The following CCM2 variants were observed in gnomAD, a reference collection of about 807,000 sequenced individuals.
CCM2 encodes cerebral cavernous malformations 2 protein.
Under a neutral mutation model 44.9 loss-of-function variants are expected in CCM2, and 25 were observed. The ratio of observed to expected loss-of-function variants is 0.56; its 90% confidence interval spans 0.41 to 0.78. The LOEUF is 0.78. Ranked by LOEUF, CCM2 falls within the 30% of genes least tolerant of loss-of-function variation. The pLI is 0.00. For missense variants in CCM2, 481 were observed against 580.6 expected, an observed-to-expected ratio of 0.83 and a Z score of 1.76; for synonymous variants, 219 against 241.1, an observed-to-expected ratio of 0.91 and a Z score of 0.85.
chr7:45,033,024 A>G (rs1322152837), intron 1 of CCM2, among the ~76,000 whole-genome samples: 1 of 144,916 alleles, frequency 6.9e-6, no homozygotes. Context: ...AGCCTTGGTG[A>G]CAAGAGCAAA....
intron 1 of CCM2, chr7:45,027,499 G>T: frequency 1.2e-6 from 1 of 819,950 alleles, no homozygotes; most frequent in Non-Finnish European, 1.9e-6. Context: ...TTTACTTTGT[G>T]TCTTTTTGTG....
intron 2 of CCM2, among the ~76,000 whole-genome samples, chr7:45,056,855 G>C (rs964654053): frequency 6.6e-6 from 1 of 152,148 alleles, no homozygotes; most frequent in African/African-American, 2.4e-5. Context: ...TTTGTTGCCT[G>C]TGCTTTTGGT....
chr7:45,043,926 A>C (rs904881951), intron 2 of CCM2, among the ~76,000 whole-genome samples: 5 of 151,984 alleles, frequency 3.3e-5, no homozygotes, highest in African/African-American at 1.2e-4. Flanking sequence ...CCTTGTCCCT[A>C]TTTGTTTCCA....
intron 1 of CCM2, among the ~76,000 whole-genome samples, chr7:45,005,707 A>G (rs1485009103): frequency 2.6e-5 from 4 of 152,214 alleles, no homozygotes; most frequent in Non-Finnish European, 5.9e-5. Context: ...GCCCACTGAG[A>G]AGAGGGTTAG....
At position 45,012,721 on chromosome 7, in the gene CCM2, A is replaced by AT. The variant is rs1162957799; in HGVS notation, c.30+12371dup. The stretch of plus-strand genomic sequence containing the variant: ...AGGTGTGCGCCACCATGCCTGGCTA[A>AT]TTTTTTTTTTTTTAGAGATGGGGTC... On this transcript the variant is annotated intron_variant, in intron 1 of 9. Transcript: ENST00000258781. Among the ~76,000 whole-genome samples the AT allele has an allele frequency of 4.6e-3, 669 of 145,404 alleles. 4 individuals carry two copies. The highest frequency in any genetic ancestry group is 0.013 in the African/African-American group (538 of 39,852).
chr7:45,038,027 G>T (rs1797307724), intron 1 of CCM2, among the ~76,000 whole-genome samples: 1 of 152,110 alleles, frequency 6.6e-6, no homozygotes, highest in African/African-American at 2.4e-5. Context: ...GTGCCTCCAT[G>T]CCAGAGGCTG....
At chr7:45,004,231 TAATA>T (rs780232167) in intron 1 of CCM2, among the ~76,000 whole-genome samples, 6 of 152,168 alleles carry the variant, frequency 3.9e-5, no homozygotes, top group African/African-American at 7.2e-5. Context: ...AGATATTAAA[TAATA>T]AATAAGGAAT....
At chr7:45,038,080 TG>T (rs1362959554) in intron 1 of CCM2, among the ~76,000 whole-genome samples, 172 bp from the exon 2 acceptor site, 1 of 152,222 alleles carries the variant, frequency 6.6e-6, no homozygotes, top group Non-Finnish European at 1.5e-5. Flanking sequence ...GTGCTGGCTG[TG>T]GTCCCTCAGG....
At chr7:45,058,801 A>G (rs970260946) in intron 2 of CCM2, among the ~76,000 whole-genome samples, 2 of 151,508 alleles carry the variant, frequency 1.3e-5, no homozygotes, top group Non-Finnish European at 2.9e-5. Context: ...TTTGAGACAG[A>G]GTTTTTGTTC....
upstream of CCM2, chr7:44,999,926 G>C (rs1015865707): frequency 1.3e-5 from 4 of 315,632 alleles, no homozygotes; most frequent in African/African-American, 9.1e-5. Flanking sequence ...GAAGGACGCG[G>C]GGCGGGGTGG....
upstream of CCM2, chr7:45,000,001 G>C: frequency 4.1e-6 from 1 of 246,724 alleles, no homozygotes; most frequent in South Asian, 3.3e-5. Flanking sequence ...CCTGTGGGCG[G>C]TGCTCTCGCC....
intron 2 of CCM2, among the ~76,000 whole-genome samples, chr7:45,038,653 C>T (rs1445545039): frequency 6.6e-6 from 1 of 152,244 alleles, no homozygotes; most frequent in African/African-American, 2.4e-5. Flanking sequence ...AGCAATGCCA[C>T]CTTCTTTCTC....
intron 1 of CCM2, among the ~76,000 whole-genome samples, chr7:45,011,953 A>C (rs1051227679): frequency 1.3e-5 from 2 of 152,090 alleles, no homozygotes; most frequent in African/African-American, 4.8e-5. Context: ...TGGCCTCCCA[A>C]AGTGCTGGGA....
rs1365120674 is a variant in CCM2, at chr7:45,064,573, G to C, written c.399G>C (p.Arg133Ser). Residue 133 changes from arginine to serine, a missense_variant, in exon 4 of 10, where the codon AGG becomes AGC. Coordinates refer to ENST00000258781, the MANE Select transcript of CCM2 (RefSeq NM_031443.4). The part of the protein sequence containing the change: ...AWRDGEDIIL[R>S]VPIHDIAAVS... ...GGGACGGGGAGGATATCATCCTCAG[G>C]GTGCCCATCCATGACATCGCCGCCG... 6.2e-7 allele frequency: 1 copy of C among 1,614,032 alleles called. No homozygotes were observed. The highest frequency in any genetic ancestry group is 1.3e-5 in the African/African-American group (1 of 75,036).
At position 45,067,863 on chromosome 7, in the gene CCM2, C is replaced by G. The variant is rs551825429; in HGVS notation, c.473-580C>G. 1.0e-4 allele frequency: 17 copies of G among 167,724 alleles called. No homozygotes were observed. The South Asian group carries it at 2.5e-3, about 25-fold the overall frequency. The allele number at this position is 167,724 out of a possible 1,614,324, so 10.4% of individuals were successfully genotyped here. On this transcript the variant is annotated intron_variant, in intron 4 of 9. Transcript: ENST00000258781. ...TTTGTTTTCAGTCTTGAAGTCCTCCCAGGGTGGTCCGAACTGATGGTGAGA... is the reference window on the plus strand; with the variant it reads ...TTTGTTTTCAGTCTTGAAGTCCTCCGAGGGTGGTCCGAACTGATGGTGAGA...
chr7:45,073,260 C>G, intron 7 of CCM2, 200 bp from the exon 8 acceptor site: 1 of 622,644 alleles, frequency 1.6e-6, no homozygotes, highest in South Asian at 1.8e-5. Context: ...CAGAGCCATG[C>G]CCCCGGGGAG....
chr7:45,041,386 A>G (rs1797491989), intron 2 of CCM2, among the ~76,000 whole-genome samples: 1 of 152,216 alleles, frequency 6.6e-6, no homozygotes, highest in Admixed American at 6.5e-5. Flanking sequence ...ACTATATGCA[A>G]TAACGTAAGA....
chr7:45,075,023 C>T (rs2128753036), intron 9 of CCM2, among the ~76,000 whole-genome samples: 1 of 152,332 alleles, frequency 6.6e-6, no homozygotes, highest in East Asian at 1.9e-4. Context: ...GGCCTGTTTT[C>T]CCTGCAAACC....
intron 1 of CCM2, among the ~76,000 whole-genome samples, chr7:45,003,592 C>T (rs778562699): frequency 1.3e-5 from 2 of 151,804 alleles, no homozygotes; most frequent in South Asian, 2.1e-4. Flanking sequence ...ATTAGCTGGG[C>T]GTGGTGGCAT....
Sources: gnomAD v4.1 joint callset for allele counts (sites outside exome capture counted in the v4.1 genomes callset) on GRCh38, gnomAD v4.1.1 for gene constraint, MANE v1.5 for transcripts, NCBI Gene and HGNC (gene_info 2026-07-23, HGNC 2026-07-21) for gene names.